Variants in SLC25A21 observed in about 807,000 individuals in gnomAD.
SLC25A21 encodes the protein mitochondrial 2-oxodicarboxylate carrier.
A neutral mutation model predicts 43.8 loss-of-function variants in SLC25A21; 47 were observed. The observed-to-expected ratio is 1.07, with a 90% CI of 0.85 to 1.37. SLC25A21 has a LOEUF of 1.37. Among genes scored for constraint, SLC25A21 ranks in the 40% most tolerant of loss-of-function variants. SLC25A21 has a pLI of 0.00. For missense variants in SLC25A21, 352 were observed against 350.2 expected, an observed-to-expected ratio of 1.00 and a Z score of -0.04; for synonymous variants, 131 against 121.3, an observed-to-expected ratio of 1.08 and a Z score of -0.52.
intron 1 of SLC25A21, among the ~76,000 whole-genome samples, chr14:37,107,131 T>C (rs967801130): frequency 1.3e-5 from 2 of 152,130 alleles, no homozygotes; most frequent in African/African-American, 4.8e-5. Context: ...AAAAAATTAA[T>C]TATTACTATT....
chr14:36,996,566 TTC>T (rs1206100895), intron 1 of SLC25A21, among the ~76,000 whole-genome samples: 20 of 152,314 alleles, frequency 1.3e-4, no homozygotes, highest in African/African-American at 4.6e-4. Context: ...ACTTGCTACA[TTC>T]TGTTTGTTCT....
At chr14:36,864,961 T>G (rs911280313) in intron 2 of SLC25A21, among the ~76,000 whole-genome samples, 1 of 152,176 alleles carries the variant, frequency 6.6e-6, no homozygotes, top group Non-Finnish European at 1.5e-5. Context: ...GCCTCTTGTC[T>G]ATACCCCATC....
At chr14:37,008,357 G>C (rs1009903462) in intron 1 of SLC25A21, among the ~76,000 whole-genome samples, 1 of 152,108 alleles carries the variant, frequency 6.6e-6, no homozygotes, top group African/African-American at 2.4e-5. Flanking sequence ...TCTTTATCCA[G>C]ATTTGTATGA....
intron 1 of SLC25A21, among the ~76,000 whole-genome samples, chr14:37,004,778 C>T (rs984627902): frequency 7.0e-5 from 10 of 142,178 alleles, no homozygotes; most frequent in Non-Finnish European, 3.1e-5. Context: ...TGTGGAGAAA[C>T]TGGTAGGGGG....
chr14:37,140,920 G>A (rs1344529075), intron 1 of SLC25A21, among the ~76,000 whole-genome samples: 1 of 152,150 alleles, frequency 6.6e-6, no homozygotes, highest in Non-Finnish European at 1.5e-5. Flanking sequence ...GCTGAGGCGG[G>A]TAGATCACTT....
At chr14:37,096,552 T>C (rs1284958380) in intron 1 of SLC25A21, among the ~76,000 whole-genome samples, 1 of 152,186 alleles carries the variant, frequency 6.6e-6, no homozygotes, top group South Asian at 2.1e-4. Context: ...ACTTTGTTCC[T>C]TTTCATTAAT....
chr14:37,144,924 G>GGTTGTTGTTGTT (rs35217998), intron 1 of SLC25A21, among the ~76,000 whole-genome samples: 5 of 150,352 alleles, frequency 3.3e-5, no homozygotes, highest in Admixed American at 2.6e-4. Context: ...CAGCCTGGGT[G>GGTTGTTGTTGTT]GTTGTTGTTG....
chr14:36,706,135 T>C (rs1226081017), intron 7 of SLC25A21, among the ~76,000 whole-genome samples: 1 of 152,196 alleles, frequency 6.6e-6, no homozygotes, highest in Non-Finnish European at 1.5e-5. Flanking sequence ...CCCACCAGTG[T>C]TCATTTAAGT....
intron 2 of SLC25A21, among the ~76,000 whole-genome samples, chr14:36,851,592 A>T (rs953832050): frequency 2.0e-5 from 3 of 152,230 alleles, no homozygotes; most frequent in East Asian, 1.9e-4. Context: ...GAATTAATCA[A>T]TTGAATGTGG....
At chr14:37,081,020 G>A (rs776894747) in intron 1 of SLC25A21, among the ~76,000 whole-genome samples, 19 of 152,144 alleles carry the variant, frequency 1.2e-4, no homozygotes, top group Non-Finnish European at 2.6e-4. Flanking sequence ...TTGGAGAGAG[G>A]CAGGGGGATA....
chr14:36,778,171 A>C (rs1250418132), intron 3 of SLC25A21, among the ~76,000 whole-genome samples: 1 of 152,104 alleles, frequency 6.6e-6, no homozygotes, highest in East Asian at 1.9e-4. Flanking sequence ...CAGCATACCC[A>C]AGCTTCTTCC....
At chr14:37,097,590 A>C (rs1285570266) in intron 1 of SLC25A21, among the ~76,000 whole-genome samples, 1 of 152,054 alleles carries the variant, frequency 6.6e-6, no homozygotes, top group Non-Finnish European at 1.5e-5. Flanking sequence ...ATTCAGACAA[A>C]AATAATATCA....
At chr14:36,787,025 T>G (rs1887277948) in intron 3 of SLC25A21, among the ~76,000 whole-genome samples, 1 of 152,228 alleles carries the variant, frequency 6.6e-6, no homozygotes, top group Non-Finnish European at 1.5e-5. Context: ...GAAGCAACAC[T>G]GAGAGCCTTG....
chr14:36,721,037 T>C (rs10144724), intron 6 of SLC25A21, among the ~76,000 whole-genome samples: 25,145 of 152,192 alleles, frequency 0.17, 2,397 homozygotes, highest in Admixed American at 0.32. Flanking sequence ...CAATATTAAT[T>C]GGAGCAATAT....
intron 1 of SLC25A21, among the ~76,000 whole-genome samples, chr14:37,019,660 A>G (rs542020342): frequency 6.6e-6 from 1 of 151,822 alleles, no homozygotes; most frequent in African/African-American, 2.4e-5. Context: ...GGTAAAAAAA[A>G]ATTAAAAAAG....
intron 2 of SLC25A21, among the ~76,000 whole-genome samples, chr14:36,851,725 TTGTC>T (rs1434531149): frequency 6.6e-6 from 1 of 152,190 alleles, no homozygotes; most frequent in Non-Finnish European, 1.5e-5. Flanking sequence ...GTTTTTTTGT[TTGTC>T]TGTTTTAAAG....
intron 2 of SLC25A21, among the ~76,000 whole-genome samples, chr14:36,835,979 A>G (rs1252396006): frequency 6.6e-6 from 1 of 152,178 alleles, no homozygotes; most frequent in Non-Finnish European, 1.5e-5. Flanking sequence ...CCAGAGTTGG[A>G]CCAAATATCT....
At chr14:36,738,519 G>C (rs1885131817) in intron 3 of SLC25A21, among the ~76,000 whole-genome samples, 1 of 152,160 alleles carries the variant, frequency 6.6e-6, no homozygotes, top group Non-Finnish European at 1.5e-5. Context: ...TCTACTTGCT[G>C]GATGAATGGA....
intron 1 of SLC25A21, among the ~76,000 whole-genome samples, chr14:36,905,889 G>A (rs987787024): frequency 2.0e-5 from 3 of 152,088 alleles, no homozygotes; most frequent in African/African-American, 7.2e-5. Flanking sequence ...ATATACAAAT[G>A]GAAAAAGGGA....
Sources: allele counts gnomAD v4.1 joint callset (sites outside exome capture counted in the v4.1 genomes callset), GRCh38; gene constraint gnomAD v4.1.1; transcripts MANE v1.5; gene names NCBI Gene and HGNC (gene_info 2026-07-23, HGNC 2026-07-21).